PIP4K2C: variants seen among roughly 807,000 people sequenced by gnomAD.
PIP4K2C encodes phosphatidylinositol 5-phosphate 4-kinase type-2 gamma.
Under a neutral mutation model 45.0 loss-of-function variants are expected in PIP4K2C, and 21 were observed. The ratio of observed to expected loss-of-function variants is 0.47; its 90% CI spans 0.33 to 0.67. The LOEUF is 0.67. Ranked by LOEUF, PIP4K2C falls within the 30% of genes least tolerant of loss-of-function variation. The pLI is 0.02. For missense variants in PIP4K2C, 456 were observed against 542.8 expected, an observed-to-expected ratio of 0.84 and a Z score of 1.59; for synonymous variants, 201 against 204.8, an observed-to-expected ratio of 0.98 and a Z score of 0.16.
At chr12:57,599,270 G>A in intron 5 of PIP4K2C, 59 bp downstream of exon 5, 2 of 1,607,874 alleles carry the variant, frequency 1.2e-6, no homozygotes, top group South Asian at 1.1e-5. Flanking sequence ...GAATGGGGAA[G>A]ACCCTGGGAG....
In PIP4K2C at chr12:57,600,871, C is replaced by T. The variant is rs772477787; in HGVS notation, c.874C>T (p.Arg292Trp). ...TCTGCTAGGCATCCACGACATCATTCGGGGCTCTGAACCAGAGGAGGAAGC... is the reference window on the plus strand; with the variant it reads ...TCTGCTAGGCATCCACGACATCATTTGGGGCTCTGAACCAGAGGAGGAAGC... Reference protein sequence around the residue: ...SLLLGIHDIIRGSEPEEEAPV... With the variant: ...SLLLGIHDIIWGSEPEEEAPV... The change falls in exon 8 of 10, where the codon CGG (arginine) becomes TGG (tryptophan). Residue 292 changes from arginine (R) to tryptophan (W), a missense_variant. Around this residue, in one of 2 missense-constraint regions of PIP4K2C, gnomAD observed 421 missense variants for 473.1 expected, o/e 0.89. Transcript: ENST00000354947. 1.7e-5 allele frequency: 28 copies of T among 1,614,066 alleles called. No individual in the cohort carries two copies. The East Asian group carries it at 2.0e-4, about 12-fold the overall frequency.
In PIP4K2C at chr12:57,595,925, G is replaced by A; in HGVS notation, c.407G>A (p.Gly136Asp). 2 of 1,614,030 alleles carry A rather than the reference G, an allele frequency of 1.2e-6. No homozygotes were observed. The highest frequency in any genetic ancestry group is 1.7e-6 in the Non-Finnish European group (2 of 1,179,990). Residue 136 changes from glycine to aspartate, a missense_variant, in exon 4 of 10, where the codon GGC becomes GAC. Transcript: ENST00000354947. ...LTRNPPSESE[G>D]SDGRFLISYD... Reference sequence around the variant, plus strand: ...CGAAACCCCCCCAGCGAAAGTGAAGGCAGTGATGGTCGCTTCCTTATCTCC... The same window carrying A: ...CGAAACCCCCCCAGCGAAAGTGAAGACAGTGATGGTCGCTTCCTTATCTCC...
Position 57,595,917 on chromosome 12 carries a change from A to G in PIP4K2C, c.399A>G (p.Glu133=). The G allele has an allele frequency of 3.7e-6, 6 of 1,613,984 alleles. No homozygotes were observed. Among genetic ancestry groups the G allele is most frequent in the Non-Finnish European group, 4.2e-6 (5 of 1,179,978 alleles). Residue 133 remains glutamate (E), a synonymous_variant, in exon 4 of 10, where the codon GAA becomes GAG. Transcript: ENST00000354947. ...CCCTTACCCGAAACCCCCCCAGCGA[A>G]AGTGAAGGCAGTGATGGTCGCTTCC... ...LVSLTRNPPS[E]SEGSDGRFLI... is the part of the protein sequence containing the mutation.
Position 57,599,453 on chromosome 12 carries a change from A to T in PIP4K2C, c.699+15A>T. On this transcript the variant is annotated intron_variant, in intron 6 of 9. Coordinates refer to ENST00000354947, the MANE Select transcript of PIP4K2C (RefSeq NM_024779.5). ...ATAAGGAAAAGGTGATAGTAATTTT[A>T]TGTGCTAGGGTGAGGGATGAGGGAT... 4.3e-6 allele frequency: 7 copies of T among 1,614,048 alleles called. No homozygotes were observed. Among genetic ancestry groups the T allele is most frequent in the Non-Finnish European group, 5.9e-6 (7 of 1,179,972 alleles).
intron 4 of PIP4K2C, chr12:57,597,925 CA>C (rs1883261423): frequency 6.6e-6 from 1 of 152,034 alleles, no homozygotes; most frequent in South Asian, 2.1e-4. Flanking sequence ...GGGGAGATTT[CA>C]GAGGAGAAAT....
rs139324540 is a variant in PIP4K2C, at chr12:57,596,929, A to T, written c.513+898A>T. ...TGTAAGAGTTGATCCTTGAAGGACT[A>T]GTAGAGGTTAACCATTGGACAGGGT... On this transcript the variant is annotated intron_variant, in intron 4 of 9. Transcript: ENST00000354947. 1.1e-3 allele frequency among the ~76,000 whole-genome samples: 170 copies of T among 152,370 alleles called. 3 individuals are homozygous for T. The South Asian group carries it at 0.025, about 22-fold the overall frequency.
chr12:57,601,803 G>T lies in PIP4K2C; in HGVS notation c.*197G>T. ...AAATACATTGTCCTTTTTCCTCTTT[G>T]CCCATTTTTCTTCCCTCTCTTCCTC... On this transcript the variant is annotated 3_prime_UTR_variant, in exon 10 of 10. Coordinates refer to ENST00000354947, the MANE Select transcript of PIP4K2C (RefSeq NM_024779.5). 3 of 590,314 alleles carry T rather than the reference G, an allele frequency of 5.1e-6. No homozygotes were observed. Among genetic ancestry groups the T allele is most frequent in the South Asian group, 2.1e-5 (1 of 48,214 alleles). 36.6% of individuals were successfully genotyped at this position (590,314 alleles called of 1,614,324 possible).
intron 1 of PIP4K2C, among the ~76,000 whole-genome samples, chr12:57,593,211 T>G (rs1883036719): frequency 1.3e-5 from 2 of 152,046 alleles, no homozygotes; most frequent in Non-Finnish European, 2.9e-5. Context: ...AGTCATGCAG[T>G]AACAAAGGCA....
chr12:57,599,719 C>T (rs559568957), intron 6 of PIP4K2C, among the ~76,000 whole-genome samples: 24 of 152,206 alleles, frequency 1.6e-4, no homozygotes, highest in African/African-American at 5.8e-4. Flanking sequence ...GTTTAACTTC[C>T]ACTTCCCATT....
chr12:57,594,546 T>C (rs977477298), intron 2 of PIP4K2C, among the ~76,000 whole-genome samples: 3 of 152,214 alleles, frequency 2.0e-5, no homozygotes, highest in African/African-American at 7.2e-5. Flanking sequence ...ATTTGGGAAA[T>C]GCTGCTGTTT....
rs1883395493 is a variant in PIP4K2C, at chr12:57,600,806, C to T, written c.814-5C>T. ...AGAGGTGTCTGATTTGTCAGTGGGT[C>T]TCAGTTTCTAGTGCAGCTGAAGATC... is the stretch of plus-strand genomic sequence containing the variant. On this transcript the variant is annotated splice_region_variant and splice_polypyrimidine_tract_variant and intron_variant, in intron 7 of 9. Coordinates refer to ENST00000354947, the MANE Select transcript of PIP4K2C (RefSeq NM_024779.5). The T allele has an allele frequency of 4.3e-6, 7 of 1,613,784 alleles. 1 individual carries two copies. The highest frequency in any genetic ancestry group is 1.3e-5 in the African/African-American group (1 of 74,924).
chr12:57,600,768 T>G (rs771302043), intron 7 of PIP4K2C, 43 bp from the exon 8 acceptor site: 15 of 1,610,428 alleles, frequency 9.3e-6, no homozygotes, highest in Non-Finnish European at 1.2e-5. Context: ...TACCTAGCAG[T>G]GAAGAGTGAG....
intron 1 of PIP4K2C, among the ~76,000 whole-genome samples, chr12:57,592,938 C>T (rs1410817333): frequency 6.8e-6 from 1 of 147,772 alleles, no homozygotes; most frequent in Non-Finnish European, 1.5e-5. Flanking sequence ...TATGTTCTGT[C>T]CTCCTTTTCT....
chr12:57,594,288 T>C (rs1054342576), intron 2 of PIP4K2C, among the ~76,000 whole-genome samples, 166 bp downstream of exon 2: 19 of 152,366 alleles, frequency 1.2e-4, no homozygotes, highest in African/African-American at 4.6e-4. Context: ...TATATCCTTA[T>C]ATGAATCAGT....
chr12:57,599,260 G>T, intron 5 of PIP4K2C, 49 bp downstream of exon 5: 1 of 1,609,744 alleles, frequency 6.2e-7, no homozygotes, highest in East Asian at 2.2e-5. Context: ...GATAGCCTGA[G>T]AATGGGGAAG....
chr12:57,598,941 C>A, intron 4 of PIP4K2C, 124 bp from the exon 5 acceptor site: 1 of 1,086,326 alleles, frequency 9.2e-7, no homozygotes. Flanking sequence ...CCACTTTTGA[C>A]TTTGTAATCT....
chr12:57,600,069 AGAG>A (rs1189969019), intron 6 of PIP4K2C, among the ~76,000 whole-genome samples: 7 of 151,618 alleles, frequency 4.6e-5, no homozygotes, highest in East Asian at 1.9e-4. Flanking sequence ...AAAAAAAAAA[AGAG>A]GAGAAAGAAA....
At chr12:57,601,504 T>C in intron 9 of PIP4K2C, 22 bp from the exon 10 acceptor site, 1 of 1,603,586 alleles carries the variant, frequency 6.2e-7, no homozygotes, top group South Asian at 1.1e-5. Context: ...CCTGACATAT[T>C]GTTCCGTATC....
Position 57,591,334 on chromosome 12 carries a change from A to C in PIP4K2C, c.45A>C (p.Thr15=), listed in dbSNP as rs1041269834. 3.1e-6 allele frequency: 5 copies of C among 1,613,006 alleles called. No homozygotes were observed. Among genetic ancestry groups the C allele is most frequent in the Non-Finnish European group, 4.2e-6 (5 of 1,179,722 alleles). ...CACCAGCCACGGTATCGGCGGCGAC[A>C]GCAGGCCCCGGCCCAGGTTTCGGCT... ...SVPPATVSAA[T]AGPGPGFGFA... is the part of the protein sequence containing the mutation. The change falls in exon 1 of 10, where the codon ACA becomes ACC. Residue 15 remains threonine, a synonymous_variant. Transcript: ENST00000354947.
Sources: gnomAD v4.1 joint callset for allele counts (sites outside exome capture counted in the v4.1 genomes callset) on GRCh38, gnomAD v4.1.1 for gene constraint, gnomAD v4.1.1 regional missense constraint, MANE v1.5 for transcripts, NCBI Gene and HGNC (gene_info 2026-07-23, HGNC 2026-07-21) for gene names.